GRID1: variants seen among roughly 807,000 people sequenced by gnomAD.
The protein encoded by GRID1 is glutamate receptor ionotropic, delta-1.
GRID1 carries 28 observed loss-of-function variants against 98.0 expected under a neutral mutation model. The ratio of observed to expected loss-of-function variants is 0.29; its 90% confidence interval spans 0.21 to 0.39. The LOEUF (loss-of-function observed/expected upper bound fraction) is 0.39, where lower values mean the gene tolerates loss of function less well. GRID1 is among the 10% of genes least tolerant of loss of function. GRID1 has a pLI of 1.00. For missense variants in GRID1, 1,111 were observed against 1,340.5 expected (o/e 0.83, Z 2.67); for synonymous variants, 553 against 538.5 (o/e 1.03, Z -0.37).
intron 2 of GRID1, among the ~76,000 whole-genome samples, chr10:86,249,710 T>C (rs1471804205): frequency 6.6e-6 from 1 of 151,750 alleles, no homozygotes; most frequent in Non-Finnish European, 1.5e-5. Context: ...CAACCATCAC[T>C]TTGCTAATGC....
chr10:86,121,358 TCAC>T lies in GRID1; in HGVS notation c.726+17458_726+17460del, dbSNP rs1056457192. 1.3e-4 allele frequency among the ~76,000 whole-genome samples: 20 copies of T among 148,942 alleles called. No individual in the cohort carries two copies. The East Asian group carries it at 3.7e-3, about 28-fold the overall frequency. ...ATCACCATCACTACCACCACCATCA[TCAC>T]CACCAACACCACCATCTCACCATCA... is the stretch of plus-strand genomic sequence containing the variant. On this transcript the variant is annotated intron_variant, in intron 4 of 15. Coordinates refer to ENST00000327946, the MANE Select transcript of GRID1 (RefSeq NM_017551.3).
At chr10:86,285,833 G>A (rs1191944538) in intron 2 of GRID1, among the ~76,000 whole-genome samples, 1 of 152,138 alleles carries the variant, frequency 6.6e-6, no homozygotes, top group Non-Finnish European at 1.5e-5. Context: ...AATGTATAAT[G>A]GAAACCAAAT....
chr10:86,294,909 CG>C (rs1564731409), intron 2 of GRID1, among the ~76,000 whole-genome samples: 3 of 152,084 alleles, frequency 2.0e-5, no homozygotes, highest in African/African-American at 7.2e-5. Context: ...AAGGTGCACC[CG>C]CCACAGAGCC....
In GRID1 at chr10:85,729,209, T is replaced by C. The variant is rs1276393482; in HGVS notation, c.1335+304A>G. ...ACCAGTAGTGGGTCAAGATCCATTT[T>C]ACATCCAAGAACAAATGGAGCAGCT... On this transcript the variant is annotated intron_variant, in intron 9 of 15. Coordinates refer to ENST00000327946, the MANE Select transcript of GRID1 (RefSeq NM_017551.3). Among the ~76,000 whole-genome samples, 7 of 152,158 alleles carry C rather than the reference T, an allele frequency of 4.6e-5. No individual in the cohort carries two copies. The East Asian group carries it at 1.4e-3, about 29-fold the overall frequency.
intron 3 of GRID1, among the ~76,000 whole-genome samples, chr10:86,172,284 T>C (rs1351416199): frequency 6.6e-6 from 1 of 152,344 alleles, no homozygotes; most frequent in Non-Finnish European, 1.5e-5. Flanking sequence ...CTTCTTTCAC[T>C]TGGCATAATG....
At chr10:86,031,485 A>AT (rs2131893075) in intron 4 of GRID1, among the ~76,000 whole-genome samples, 1 of 152,348 alleles carries the variant, frequency 6.6e-6, no homozygotes, top group African/African-American at 2.4e-5. Context: ...TGACAGGATC[A>AT]TTAGACGCCC....
At chr10:86,036,901 T>C (rs1426266794) in intron 4 of GRID1, among the ~76,000 whole-genome samples, 1 of 152,194 alleles carries the variant, frequency 6.6e-6, no homozygotes, top group Non-Finnish European at 1.5e-5. Context: ...TAGGCTACAT[T>C]ACAAATCAAA....
chr10:86,056,754 G>A (rs1223176980), intron 4 of GRID1, among the ~76,000 whole-genome samples: 1 of 152,242 alleles, frequency 6.6e-6, no homozygotes, highest in East Asian at 1.9e-4. Flanking sequence ...GGATCTTATA[G>A]CAGAGACTGT....
intron 5 of GRID1, among the ~76,000 whole-genome samples, chr10:85,894,751 T>C (rs934441435): frequency 3.3e-5 from 5 of 152,032 alleles, no homozygotes; most frequent in African/African-American, 1.2e-4. Flanking sequence ...CTCAAGCCTG[T>C]AATCCCAGAA....
chr10:86,069,422 G>A (rs1237829381), intron 4 of GRID1, among the ~76,000 whole-genome samples: 8 of 152,210 alleles, frequency 5.3e-5, no homozygotes, highest in Admixed American at 4.6e-4. Flanking sequence ...GCCGAGGCGG[G>A]CGGATCATGA....
intron 1 of GRID1, among the ~76,000 whole-genome samples, chr10:86,364,315 A>T (rs984431442): frequency 2.0e-5 from 3 of 152,152 alleles, no homozygotes; most frequent in Admixed American, 2.0e-4. Context: ...ACGTGCACAC[A>T]GTTGACATGA....
intron 8 of GRID1, among the ~76,000 whole-genome samples, chr10:85,773,018 CA>C (rs913143052): frequency 6.6e-5 from 10 of 151,924 alleles, no homozygotes; most frequent in Non-Finnish European, 1.0e-4. Flanking sequence ...GAGACAAAAC[CA>C]AAAAAGACAA....
At chr10:86,307,632 T>TTAA (rs1274905185) in intron 2 of GRID1, among the ~76,000 whole-genome samples, 1 of 152,136 alleles carries the variant, frequency 6.6e-6, no homozygotes, top group Non-Finnish European at 1.5e-5. Context: ...AAGATTATAG[T>TTAA]TAATAATAAT....
chr10:85,773,483 G>T (rs1842295291), intron 8 of GRID1, among the ~76,000 whole-genome samples: 1 of 152,178 alleles, frequency 6.6e-6, no homozygotes, highest in Non-Finnish European at 1.5e-5. Context: ...GGGCAATTAG[G>T]CAAGAGAAGG....
chr10:86,106,315 C>T (rs74359219), intron 4 of GRID1, among the ~76,000 whole-genome samples: 3,899 of 152,228 alleles, frequency 0.026, 188 homozygotes, highest in African/African-American at 0.089. Flanking sequence ...CTAAAAATGA[C>T]GATTAGAAAG....
At chr10:85,984,926 G>A (rs1267282939) in intron 4 of GRID1, among the ~76,000 whole-genome samples, 1 of 152,058 alleles carries the variant, frequency 6.6e-6, no homozygotes, top group Non-Finnish European at 1.5e-5. Flanking sequence ...GGTGCCAAGC[G>A]CTAGGTGATG....
chr10:86,206,724 T>A lies in GRID1; in HGVS notation c.236-76A>T. 1 of 1,390,284 alleles carries A rather than the reference T, an allele frequency of 7.2e-7. No individual in the cohort carries two copies. Among genetic ancestry groups the A allele is most frequent in the Non-Finnish European group, 9.9e-7 (1 of 1,011,910 alleles). 86.1% of individuals were successfully genotyped at this position (1,390,284 alleles called of 1,614,324 possible). ...CACCAGCTTCAACCTGCAGGCCCCA[T>A]GCCTGGCAGCTCATGCCCAGGACTC... On this transcript the variant is annotated intron_variant, in intron 2 of 15. Transcript: ENST00000327946. This position sits in a 1 kb window ranked among gnomAD's most constrained non-coding sequence, Gnocchi z 4.1.
At chr10:85,918,800 G>C (rs946463706) in intron 4 of GRID1, among the ~76,000 whole-genome samples, 2 of 152,246 alleles carry the variant, frequency 1.3e-5, no homozygotes, top group African/African-American at 4.8e-5. Flanking sequence ...ATCCCAGGAA[G>C]TGCCTGAGCA....
At chr10:86,032,939 A>G (rs968607197) in intron 4 of GRID1, among the ~76,000 whole-genome samples, 2 of 151,710 alleles carry the variant, frequency 1.3e-5, no homozygotes, top group East Asian at 3.9e-4. Context: ...TTTTTAAAGA[A>G]TAAATCAGGA....
Sources: gnomAD v4.1 joint callset for allele counts (sites outside exome capture counted in the v4.1 genomes callset) on GRCh38, gnomAD v4.1.1 for gene constraint, Gnocchi (gnomAD v3.1) non-coding constraint, MANE v1.5 for transcripts, NCBI Gene and HGNC (gene_info 2026-07-23, HGNC 2026-07-21) for gene names.